Variants in SLC23A2 observed in about 807,000 individuals in gnomAD.
The protein encoded by SLC23A2 is solute carrier family 23 member 2, also known as Na(+)/L-ascorbic acid transporter 2.
Under a neutral mutation model 73.3 loss-of-function variants are expected in SLC23A2, and 36 were observed. The observed-to-expected ratio is 0.49, with a 90% CI of 0.38 to 0.65. The LOEUF is 0.65. Among genes scored for constraint, SLC23A2 ranks in the 30% least tolerant of loss-of-function variants. SLC23A2 has a pLI of 0.00. For synonymous variants in SLC23A2, 343 were observed against 327.3 expected (o/e 1.05, Z -0.52); for missense variants, 507 against 841.6 (o/e 0.60, Z 4.92).
chr20:4,992,929 C>A (rs1351625413), intron 1 of SLC23A2, among the ~76,000 whole-genome samples: 1 of 151,824 alleles, frequency 6.6e-6, no homozygotes, highest in African/African-American at 2.4e-5. Context: ...TGAAAGGATC[C>A]AAAATTTGAA....
chr20:4,962,409 C>T (rs1490266881), intron 2 of SLC23A2, among the ~76,000 whole-genome samples: 1 of 152,028 alleles, frequency 6.6e-6, no homozygotes, highest in Non-Finnish European at 1.5e-5. Context: ...CAAGAGGAAG[C>T]CAGAGAGCAC....
chr20:4,902,434 C>T lies in SLC23A2; in HGVS notation c.324+8G>A. 1 of 1,433,620 alleles carries T rather than the reference C, an allele frequency of 7.0e-7. No homozygotes were observed. Among genetic ancestry groups the T allele is most frequent in the Non-Finnish European group, 9.8e-7 (1 of 1,021,642 alleles). The allele number at this position is 1,433,620 out of a possible 1,614,324, so 88.8% of individuals were successfully genotyped here. On this transcript the variant is annotated splice_region_variant and intron_variant, in intron 5 of 16. Transcript: ENST00000338244. The surrounding 1 kb of genome is among the most constrained non-coding windows in gnomAD (Gnocchi z 4.0). ...TGGTAGTTACACATCCTACAGGAAC[C>T]ATCTTACCTGTAGCCCCAGAAATAT...
At chr20:4,874,362 G>A (rs966439151) in intron 10 of SLC23A2, among the ~76,000 whole-genome samples, 3 of 152,224 alleles carry the variant, frequency 2.0e-5, no homozygotes, top group African/African-American at 7.2e-5. Context: ...CAAGGACAGT[G>A]TCCCCTTCCT....
intron 1 of SLC23A2, among the ~76,000 whole-genome samples, chr20:4,982,061 C>T (rs919823848): frequency 6.6e-6 from 1 of 151,130 alleles, no homozygotes; most frequent in Non-Finnish European, 1.5e-5. Flanking sequence ...GTGGCATGAT[C>T]TTGGCTCAAT....
chr20:4,908,578 G>A (rs905154064), intron 4 of SLC23A2, among the ~76,000 whole-genome samples: 2 of 152,180 alleles, frequency 1.3e-5, no homozygotes, highest in African/African-American at 4.8e-5. Flanking sequence ...TTGGGATTAA[G>A]TAATAAAATC....
intron 3 of SLC23A2, among the ~76,000 whole-genome samples, chr20:4,914,087 T>A (rs1932247636): frequency 6.6e-6 from 1 of 151,714 alleles, no homozygotes; most frequent in Admixed American, 6.6e-5. Context: ...TTAAAAAGTA[T>A]ATTAAAAGTT....
chr20:4,908,588 C>A (rs1291417198), intron 4 of SLC23A2, among the ~76,000 whole-genome samples: 1 of 152,122 alleles, frequency 6.6e-6, no homozygotes, highest in Non-Finnish European at 1.5e-5. Context: ...GTAATAAAAT[C>A]AATTAGGTAT....
chr20:4,981,813 T>C (rs931346565), intron 1 of SLC23A2, among the ~76,000 whole-genome samples: 9 of 152,072 alleles, frequency 5.9e-5, no homozygotes, highest in Non-Finnish European at 2.9e-5. Context: ...GCGATTCTCC[T>C]GCCTCAGCCT....
At chr20:4,896,105 G>A (rs554207173) in intron 6 of SLC23A2, among the ~76,000 whole-genome samples, 36 of 151,990 alleles carry the variant, frequency 2.4e-4, no homozygotes, top group Non-Finnish European at 4.4e-4. Context: ...GGAGAGACGT[G>A]GGGGGGATGA....
chr20:4,857,574 C>T lies in SLC23A2; in HGVS notation c.1721-370G>A, dbSNP rs537372084. On this transcript the variant is annotated intron_variant, in intron 16 of 16. Transcript: ENST00000338244. This position sits in a 1 kb window ranked among gnomAD's most constrained non-coding sequence, Gnocchi z 4.0. ...TTATTGCTTTCCTGGTTCATTCTAT[C>T]GGTCTCCCATCTGGTTACCTAGTCT... 3.3e-5 allele frequency among the ~76,000 whole-genome samples: 5 copies of T among 152,256 alleles called. No homozygotes were observed. The highest frequency in any genetic ancestry group is 3.9e-4 in the East Asian group (2 of 5,182).
intron 2 of SLC23A2, among the ~76,000 whole-genome samples, chr20:4,934,448 T>C (rs2086928469): frequency 6.6e-6 from 1 of 152,194 alleles, no homozygotes; most frequent in South Asian, 2.1e-4. Flanking sequence ...ATGTGCCATG[T>C]TAATCCTAAG....
chr20:4,892,893 G>T (rs919980283), intron 6 of SLC23A2, among the ~76,000 whole-genome samples: 6 of 151,990 alleles, frequency 3.9e-5, no homozygotes, highest in Non-Finnish European at 8.8e-5. Context: ...AGGGAATAAT[G>T]GGGAAAGGTA....
At chr20:4,992,716 G>T (rs2087948030) in intron 1 of SLC23A2, among the ~76,000 whole-genome samples, 1 of 151,576 alleles carries the variant, frequency 6.6e-6, no homozygotes, top group Admixed American at 6.6e-5. Flanking sequence ...CTCCATGTTG[G>T]TCAGGCTGGT....
Position 4,856,891 on chromosome 20 carries a change from CAT to C in SLC23A2, c.*79_*80del. 1.2e-6 allele frequency: 1 copy of C among 861,188 alleles called. No individual in the cohort carries two copies. Among genetic ancestry groups the C allele is most frequent in the Non-Finnish European group, 1.9e-6 (1 of 528,004 alleles). The allele number at this position is 861,188 out of a possible 1,614,324, so 53.3% of individuals were successfully genotyped here. A position where few individuals can be genotyped will look rare whatever the true frequency, so the allele number is the denominator to read the frequency against. On this transcript the variant is annotated 3_prime_UTR_variant, in exon 17 of 17. Transcript: ENST00000338244. The surrounding 1 kb of genome is among the most constrained non-coding windows in gnomAD (Gnocchi z 4.6). ...CAGAATGTAAATGTAGATATACAAA[CAT>C]GTATTTTACTTCTTGTTACTCAGCA...
intron 2 of SLC23A2, among the ~76,000 whole-genome samples, chr20:4,957,375 T>C (rs1412189571): frequency 1.3e-5 from 2 of 151,942 alleles, no homozygotes; most frequent in African/African-American, 2.4e-5. Context: ...GGCAGGAGGA[T>C]GGGTTGAACC....
intron 3 of SLC23A2, among the ~76,000 whole-genome samples, chr20:4,915,215 G>A (rs534831286): frequency 6.6e-6 from 1 of 152,266 alleles, no homozygotes; most frequent in Non-Finnish European, 1.5e-5. Flanking sequence ...AGTAGGAAGG[G>A]TGCTGCCTTA....
chr20:4,963,499 T>C (rs1461802650), intron 2 of SLC23A2, among the ~76,000 whole-genome samples: 1 of 151,836 alleles, frequency 6.6e-6, no homozygotes, highest in Non-Finnish European at 1.5e-5. Flanking sequence ...TATGATTCTC[T>C]GTGTTGCCAA....
At chr20:4,886,025 C>T (rs1342104448) in intron 6 of SLC23A2, 116 bp from the exon 7 acceptor site, 5 of 627,544 alleles carry the variant, frequency 8.0e-6, no homozygotes, top group African/African-American at 1.9e-5. Flanking sequence ...TAAATGCAGG[C>T]ACACCTAGAA....
At chr20:4,980,567 T>C (rs1440413872) in intron 1 of SLC23A2, among the ~76,000 whole-genome samples, 1 of 151,940 alleles carries the variant, frequency 6.6e-6, no homozygotes, top group East Asian at 1.9e-4. Flanking sequence ...GGTCTCATTC[T>C]GTGGCCCAGG....
Sources: allele counts gnomAD v4.1 joint callset (sites outside exome capture counted in the v4.1 genomes callset), GRCh38; gene constraint gnomAD v4.1.1; non-coding constraint Gnocchi (gnomAD v3.1); transcripts MANE v1.5; gene names NCBI Gene and HGNC (gene_info 2026-07-23, HGNC 2026-07-21).